The following USH2A variants were observed in gnomAD, a reference collection of about 807,000 sequenced individuals.
USH2A encodes usherin.
Under a neutral mutation model 538.9 loss-of-function variants are expected in USH2A, and 443 were observed. The observed-to-expected ratio is 0.82, with a 90% CI of 0.76 to 0.89. The LOEUF is 0.89. Among genes scored for constraint, USH2A ranks in the 40% least tolerant of loss-of-function variants. The probability of loss-of-function intolerance (pLI) is 0.00; values close to 1 mark genes in which losing one functional copy is unlikely to be tolerated. For synonymous variants in USH2A, 2,413 were observed against 2,273.5 expected (o/e 1.06, Z -1.75); for missense variants, 6,633 against 6,324.8 (o/e 1.05, Z -1.65).
At chr1:215,736,890 A>G (rs537018923) in intron 60 of USH2A, among the ~76,000 whole-genome samples, 1 of 152,150 alleles carries the variant, frequency 6.6e-6, no homozygotes, top group African/African-American at 2.4e-5. Flanking sequence ...TTGGAAGACA[A>G]CTTAGGAATC....
Position 215,647,641 on chromosome 1 carries a change from C to A in USH2A, c.14672G>T (p.Gly4891Val). The part of the protein sequence containing the change: ...SQIETKYTGL[G>V]QKASLGGLQP... ...GAGACCCCCAAGGCTGGCTTTCTGC[C>A]CCAGCCCCGTGTACTTTGTTTCTAT... The change falls in exon 67 of 72, where the codon GGG (glycine) becomes GTG (valine). Residue 4891 changes from glycine (G) to valine (V), a missense_variant. Transcript: ENST00000307340. The A allele has an allele frequency of 6.2e-7, 1 of 1,614,128 alleles. No individual in the cohort carries two copies. Among genetic ancestry groups the A allele is most frequent in the Non-Finnish European group, 8.5e-7 (1 of 1,180,026 alleles).
chr1:215,795,382 G>T (rs975414389), intron 50 of USH2A, among the ~76,000 whole-genome samples: 1 of 152,054 alleles, frequency 6.6e-6, no homozygotes, highest in Admixed American at 6.6e-5. Context: ...CTCTCTTATG[G>T]TCTGTGTATA....
intron 44 of USH2A, 45 bp from the exon 45 acceptor site, chr1:215,846,078 T>A: frequency 6.3e-7 from 1 of 1,585,670 alleles, no homozygotes. Context: ...GCTGAGGCTT[T>A]CAGGGGAAAA....
intron 21 of USH2A, among the ~76,000 whole-genome samples, chr1:216,129,738 A>G (rs1485819573): frequency 6.6e-6 from 1 of 151,928 alleles, no homozygotes; most frequent in Non-Finnish European, 1.5e-5. Context: ...CGAAAGACCT[A>G]GAACAGTCCA....
In USH2A at chr1:215,923,114, G is replaced by T. The variant is rs572215589; in HGVS notation, c.7300+11502C>A. Reference sequence around the variant, plus strand: ...GCATTTGGCATGATTTTCAGGAAGTGATGAGACTTCTCTAAATGCTCTCTA... The same window carrying T: ...GCATTTGGCATGATTTTCAGGAAGTTATGAGACTTCTCTAAATGCTCTCTA... On this transcript the variant is annotated intron_variant, in intron 38 of 71. Coordinates refer to ENST00000307340, the MANE Select transcript of USH2A (RefSeq NM_206933.4). Among the ~76,000 whole-genome samples, 3 of 152,246 alleles carry T rather than the reference G, an allele frequency of 2.0e-5. No individual in the cohort carries two copies. The South Asian group carries it at 6.2e-4, about 32-fold the overall frequency.
At chr1:216,303,980 C>G (rs2037266177) in intron 9 of USH2A, among the ~76,000 whole-genome samples, 1 of 151,928 alleles carries the variant, frequency 6.6e-6, no homozygotes, top group Non-Finnish European at 1.5e-5. Flanking sequence ...CACCTCCACT[C>G]TGTCTTTAGT....
chr1:216,388,273 A>G (rs1429185300), intron 3 of USH2A, among the ~76,000 whole-genome samples: 2 of 152,182 alleles, frequency 1.3e-5, no homozygotes, highest in Admixed American at 6.5e-5. Flanking sequence ...TACCTTTTCT[A>G]AAAATTGGGA....
chr1:215,674,723 T>C lies in USH2A; in HGVS notation c.13188A>G (p.Lys4396=). ...ITKYLVRYDN[K]ESLAGQGLCL... Reference sequence around the variant, plus strand: ...ACAGGCCCTGGCCAGCAAGGGACTCTTTATTATCATATCTAACTAAATATT... The same window carrying C: ...ACAGGCCCTGGCCAGCAAGGGACTCCTTATTATCATATCTAACTAAATATT... Residue 4396 remains lysine, a synonymous_variant, in exon 63 of 72, where the codon AAA becomes AAG. Transcript: ENST00000307340. The C allele has an allele frequency of 6.2e-7, 1 of 1,614,150 alleles. No homozygotes were observed. The highest frequency in any genetic ancestry group is 8.5e-7 in the Non-Finnish European group (1 of 1,180,036).
chr1:216,071,718 A>T (rs2031563513), intron 29 of USH2A, among the ~76,000 whole-genome samples: 1 of 152,214 alleles, frequency 6.6e-6, no homozygotes, highest in Non-Finnish European at 1.5e-5. Flanking sequence ...AATGTTGCTG[A>T]ATTATACTCA....
intron 34 of USH2A, among the ~76,000 whole-genome samples, chr1:215,997,855 T>C (rs1026277779): frequency 2.0e-5 from 3 of 152,134 alleles, no homozygotes; most frequent in Non-Finnish European, 4.4e-5. Context: ...ATAACCAAAG[T>C]GCTGTTTCAT....
At chr1:215,704,131 C>T (rs1413494885) in intron 61 of USH2A, among the ~76,000 whole-genome samples, 2 of 152,210 alleles carry the variant, frequency 1.3e-5, no homozygotes, top group African/African-American at 2.4e-5. Flanking sequence ...CTGCGCCTTC[C>T]ATGGGCTGCA....
intron 30 of USH2A, among the ~76,000 whole-genome samples, chr1:216,061,847 A>G (rs1025813996): frequency 1.3e-5 from 2 of 152,210 alleles, no homozygotes; most frequent in African/African-American, 4.8e-5. Context: ...GCAAGCTCTC[A>G]GCACTCCTAC....
At chr1:216,100,000 C>T (rs1257559799) in intron 21 of USH2A, among the ~76,000 whole-genome samples, 2 of 151,952 alleles carry the variant, frequency 1.3e-5, no homozygotes, top group African/African-American at 4.8e-5. Flanking sequence ...TGGAAATGTC[C>T]ACATTTCAGA....
At chr1:215,742,122 C>A (rs9662073) in intron 59 of USH2A, among the ~76,000 whole-genome samples, 2 of 152,012 alleles carry the variant, frequency 1.3e-5, no homozygotes, top group African/African-American at 2.4e-5. Flanking sequence ...GAAAGCAATA[C>A]CCCTCAAACA....
chr1:216,208,744 A>G (rs1211133851), intron 15 of USH2A, among the ~76,000 whole-genome samples: 1 of 152,208 alleles, frequency 6.6e-6, no homozygotes, highest in Non-Finnish European at 1.5e-5. Context: ...GAATTCATCA[A>G]CAAAGGGAAA....
intron 37 of USH2A, among the ~76,000 whole-genome samples, chr1:215,961,965 T>C (rs962499520): frequency 2.0e-5 from 3 of 151,966 alleles, no homozygotes; most frequent in Non-Finnish European, 4.4e-5. Flanking sequence ...TTTCCTAATA[T>C]ATAAAGAACT....
Position 216,053,534 on chromosome 1 carries a change from ACT to A in USH2A, c.6050-4889_6050-4888del, listed in dbSNP as rs575273968. ...CTCGCAAACTGCCTTTCAGCCACAA[ACT>A]CTGTGAAATCAGAAAATGGTCCCAA... On this transcript the variant is annotated intron_variant, in intron 30 of 71. Coordinates refer to ENST00000307340, the MANE Select transcript of USH2A (RefSeq NM_206933.4). 3.3e-5 allele frequency among the ~76,000 whole-genome samples: 5 copies of A among 150,938 alleles called. No homozygotes were observed. In the East Asian group the frequency reaches 9.8e-4, roughly 30 times the overall value.
intron 71 of USH2A, among the ~76,000 whole-genome samples, chr1:215,627,387 T>C (rs1205951297): frequency 9.9e-5 from 1 of 10,084 alleles, no homozygotes; most frequent in African/African-American, 2.6e-4. Flanking sequence ...CTTCCTTCTT[T>C]CCTTCCTTCC....
At chr1:216,354,348 T>A (rs2038341576) in intron 4 of USH2A, among the ~76,000 whole-genome samples, 2 of 152,180 alleles carry the variant, frequency 1.3e-5, no homozygotes, top group South Asian at 4.1e-4. Context: ...TTAAGACACA[T>A]GAGAAATCAA....
Sources: gnomAD v4.1 joint callset for allele counts (sites outside exome capture counted in the v4.1 genomes callset) on GRCh38, gnomAD v4.1.1 for gene constraint, MANE v1.5 for transcripts, NCBI Gene and HGNC (gene_info 2026-07-23, HGNC 2026-07-21) for gene names.